The following HIVEP2 variants were observed in gnomAD, a reference collection of about 807,000 sequenced individuals.
The protein encoded by HIVEP2 is HIVEP zinc finger 2.
A neutral mutation model predicts 180.7 loss-of-function variants in HIVEP2; 14 were observed. The observed-to-expected ratio is 0.08, with a 90% CI of 0.05 to 0.12. The LOEUF (loss-of-function observed/expected upper bound fraction) is 0.12, where lower values mean the gene tolerates loss of function less well. HIVEP2 is among the 10% of genes least tolerant of loss of function. The pLI is 1.00. For missense variants in HIVEP2, 2,579 were observed against 3,008.5 expected (o/e 0.86, Z 3.34); for synonymous variants, 1,184 against 1,136.4 (o/e 1.04, Z -0.84).
chr6:142,921,434 C>G (rs1374801680), intron 1 of HIVEP2, among the ~76,000 whole-genome samples: 1 of 152,196 alleles, frequency 6.6e-6, no homozygotes, highest in Non-Finnish European at 1.5e-5. Context: ...ACTGGGGAGG[C>G]TGAGGCACGA....
At chr6:142,840,583 A>G (rs924267236) in intron 1 of HIVEP2, among the ~76,000 whole-genome samples, 1 of 151,990 alleles carries the variant, frequency 6.6e-6, no homozygotes, top group Non-Finnish European at 1.5e-5. Context: ...TTAATTTAAC[A>G]TTTCGTAAGT....
chr6:142,814,850 A>G (rs1336350795), intron 2 of HIVEP2, among the ~76,000 whole-genome samples: 1 of 152,180 alleles, frequency 6.6e-6, no homozygotes, highest in Non-Finnish European at 1.5e-5. Flanking sequence ...TGCAAAGTAT[A>G]TGGAGTAACA....
intron 2 of HIVEP2, among the ~76,000 whole-genome samples, chr6:142,799,055 G>T (rs960770413): frequency 6.6e-6 from 1 of 152,072 alleles, no homozygotes; most frequent in African/African-American, 2.4e-5. Flanking sequence ...GTTGAAAATG[G>T]TTATTTGATT....
At chr6:142,859,410 A>G (rs969101450) in intron 1 of HIVEP2, among the ~76,000 whole-genome samples, 17 of 151,456 alleles carry the variant, frequency 1.1e-4, no homozygotes, top group East Asian at 3.9e-4. Context: ...GCAGTGAGCT[A>G]TGATCCTGCC....
chr6:142,930,223 C>G (rs746892140), intron 1 of HIVEP2, among the ~76,000 whole-genome samples: 1 of 152,150 alleles, frequency 6.6e-6, no homozygotes, highest in Non-Finnish European at 1.5e-5. Flanking sequence ...AGGGAGCTCA[C>G]TGAGTGAACA....
In HIVEP2 at chr6:142,888,551, T is replaced by A. The variant is rs77997509; in HGVS notation, c.-640-51504A>T. On this transcript the variant is annotated intron_variant, in intron 1 of 9. Coordinates refer to ENST00000367603, the MANE Select transcript of HIVEP2 (RefSeq NM_006734.4). ...AAAATATTTCATGGGCTTATGCTCA[T>A]TGAAGTCATTATCTTCATTGTTTTC... Among the ~76,000 whole-genome samples, 2,430 of 152,342 alleles carry A rather than the reference T, an allele frequency of 0.016. 83 individuals are homozygous for A. The East Asian group carries it at 0.16, about 10-fold the overall frequency.
In HIVEP2 at chr6:142,769,706, C is replaced by G. The variant is rs1554276179; in HGVS notation, c.5033G>C (p.Cys1678Ser). ...GTTCAATCCTGATGGGTTTGGATTA[C>G]AGGAACTAATGCACCATGAAGCATA... ...SVYASWCISS[C>S]NPNPSGLNTK... is the part of the protein sequence containing the mutation. Residue 1678 changes from cysteine to serine, a missense_variant, in exon 5 of 10, where the codon TGT becomes TCT. Cys to Ser is a moderately radical substitution (Grantham distance 112, BLOSUM62 -1). Around this residue, in one of 11 missense-constraint regions of HIVEP2, gnomAD observed 349 missense variants for 367.2 expected, o/e 0.95. Transcript: ENST00000367603. The G allele has an allele frequency of 1.2e-6, 2 of 1,614,192 alleles. No individual in the cohort carries two copies. The highest frequency in any genetic ancestry group is 2.2e-5 in the South Asian group (2 of 91,080).
intron 1 of HIVEP2, among the ~76,000 whole-genome samples, chr6:142,935,283 C>T (rs955846360): frequency 2.0e-5 from 3 of 152,230 alleles, no homozygotes; most frequent in Non-Finnish European, 2.9e-5. Context: ...TGCAGTGGCT[C>T]ATGCCTGTAA....
intron 2 of HIVEP2, among the ~76,000 whole-genome samples, chr6:142,818,352 G>A (rs1421005403): frequency 6.6e-6 from 1 of 152,150 alleles, no homozygotes; most frequent in Non-Finnish European, 1.5e-5. Context: ...AACAGTTTAT[G>A]GTTGTAGCTG....
At position 142,828,475 on chromosome 6, in the gene HIVEP2, C is replaced by T. The variant is rs536719265; in HGVS notation, c.-528+8460G>A. Among the ~76,000 whole-genome samples the T allele has an allele frequency of 5.3e-5, 8 of 151,980 alleles. No homozygotes were observed. In the East Asian group the frequency reaches 9.7e-4, roughly 18 times the overall value. On this transcript the variant is annotated intron_variant, in intron 2 of 9. Transcript: ENST00000367603. ...TTTTTTCAAGACAGAGTCTTGCTCT[C>T]GCTTAGGCTGGAGTGCAGTAGAGCG...
At chr6:142,847,747 G>A (rs541652731) in intron 1 of HIVEP2, among the ~76,000 whole-genome samples, 1 of 152,156 alleles carries the variant, frequency 6.6e-6, no homozygotes, top group African/African-American at 2.4e-5. Context: ...TTTGTTTGTT[G>A]TTCTTCATAA....
At chr6:142,941,094 T>C (rs996199871) in intron 1 of HIVEP2, among the ~76,000 whole-genome samples, 5 of 152,218 alleles carry the variant, frequency 3.3e-5, no homozygotes, top group African/African-American at 4.8e-5. Flanking sequence ...TATGTTAAGA[T>C]AGCACAAATT....
At chr6:142,776,556 A>G (rs1775705197) in intron 3 of HIVEP2, among the ~76,000 whole-genome samples, 1 of 149,716 alleles carries the variant, frequency 6.7e-6, no homozygotes, top group African/African-American at 2.5e-5. Context: ...TTTGAGATAG[A>G]GTCTCACTCT....
rs577485521 is a variant in HIVEP2, at chr6:142,872,753, C to G, written c.-640-35706G>C. Among the ~76,000 whole-genome samples, 79 of 152,296 alleles carry G rather than the reference C, an allele frequency of 5.2e-4. 3 individuals are homozygous for G. The South Asian group carries it at 8.7e-3, about 17-fold the overall frequency. On this transcript the variant is annotated intron_variant, in intron 1 of 9. Transcript: ENST00000367603. ...TATGAACTAACTAGCTACCTCTTTT[C>G]TGTAACAGAAGTTAGCCCTTTAATG...
At chr6:142,937,778 A>G (rs7764208) in intron 1 of HIVEP2, among the ~76,000 whole-genome samples, 32,753 of 152,164 alleles carry the variant, frequency 0.22, 3,685 homozygotes, top group African/African-American at 0.27. Flanking sequence ...AAGCATCCCC[A>G]CAAAAACCTT....
chr6:142,776,725 C>T (rs1449376916), intron 3 of HIVEP2, among the ~76,000 whole-genome samples: 1 of 152,046 alleles, frequency 6.6e-6, no homozygotes, highest in Non-Finnish European at 1.5e-5. Context: ...TAGAGATGAG[C>T]TCTTGCCATA....
intron 2 of HIVEP2, among the ~76,000 whole-genome samples, chr6:142,783,822 AT>A: frequency 6.6e-6 from 1 of 152,258 alleles, no homozygotes. Context: ...AATACTTGTA[AT>A]TAAAGGGAAT....
At chr6:142,781,758 G>C (rs1183525545) in intron 3 of HIVEP2, among the ~76,000 whole-genome samples, 2 of 152,124 alleles carry the variant, frequency 1.3e-5, no homozygotes, top group African/African-American at 4.8e-5. Flanking sequence ...TTGGCACCCA[G>C]TTAAATAATT....
Position 142,774,491 on chromosome 6 carries a change from T to C in HIVEP2, c.248A>G (p.Gln83Arg). 1 of 1,614,088 alleles carries C rather than the reference T, an allele frequency of 6.2e-7. No homozygotes were observed. The highest frequency in any genetic ancestry group is 1.3e-5 in the African/African-American group (1 of 74,988). The change falls in exon 5 of 10, where the codon CAA becomes CGA. Residue 83 changes from glutamine (Q) to arginine (R), a missense_variant. Gln to Arg is a conservative substitution (Grantham distance 43). Transcript: ENST00000367603. The surrounding 1 kb of genome is among the most constrained non-coding windows in gnomAD (Gnocchi z 5.1). ...AGGACTCGGACGATGCGGTGGATATTGCTTCTCTGCGACTTGCTGCACCAC... is the reference window on the plus strand; with the variant it reads ...AGGACTCGGACGATGCGGTGGATATCGCTTCTCTGCGACTTGCTGCACCAC... ...SEVVQQVAEK[Q>R]YPPHRPSPYS...
Sources: allele counts gnomAD v4.1 joint callset (sites outside exome capture counted in the v4.1 genomes callset), GRCh38; gene constraint gnomAD v4.1.1; regional missense constraint gnomAD v4.1.1; non-coding constraint Gnocchi (gnomAD v3.1); transcripts MANE v1.5; gene names NCBI Gene and HGNC (gene_info 2026-07-23, HGNC 2026-07-21).